PRTG: variants seen among roughly 807,000 people sequenced by gnomAD.
PRTG encodes the protein protogenin, also known as immunoglobulin superfamily, DCC subclass, member 5.
PRTG carries 67 observed loss-of-function variants against 122.5 expected under a neutral mutation model. The observed-to-expected ratio is 0.55, with a 90% confidence interval of 0.45 to 0.67. The LOEUF (loss-of-function observed/expected upper bound fraction) is 0.67, where lower values mean the gene tolerates loss of function less well. Ranked by LOEUF, PRTG falls within the 30% of genes least tolerant of loss-of-function variation. The pLI is 0.00. For missense variants in PRTG, 1,435 were observed against 1,415.4 expected (o/e 1.01, Z -0.22); for synonymous variants, 554 against 501.1 (o/e 1.11, Z -1.41).
intron 17 of PRTG, among the ~76,000 whole-genome samples, chr15:55,625,749 G>A (rs910211925): frequency 2.6e-5 from 4 of 150,996 alleles, no homozygotes; most frequent in South Asian, 2.1e-4. Flanking sequence ...TCAGCCTCCC[G>A]AGTAGCTGGG....
Position 55,651,111 on chromosome 15 carries a change from C to T in PRTG, c.2042-9903G>A, listed in dbSNP as rs568223116. On this transcript the variant is annotated intron_variant, in intron 11 of 19. Coordinates refer to ENST00000389286, the MANE Select transcript of PRTG (RefSeq NM_173814.6). ...ATTTTGTAAAACAGGGGCCCTATAT[C>T]ACTAATGTTTGAGAAATCAGATAGC... Among the ~76,000 whole-genome samples the T allele has an allele frequency of 2.6e-5, 4 of 152,244 alleles. No individual in the cohort carries two copies. In the South Asian group the frequency reaches 8.3e-4, roughly 32 times the overall value.
chr15:55,663,167 C>T (rs2059419247), intron 11 of PRTG, among the ~76,000 whole-genome samples: 2 of 152,108 alleles, frequency 1.3e-5, no homozygotes, highest in Admixed American at 6.5e-5. Flanking sequence ...TGTACCAACC[C>T]GCTGTCCTGT....
At chr15:55,634,063 CTTTTTTTTTT>C (rs10711487) in intron 15 of PRTG, among the ~76,000 whole-genome samples, 11 of 73,852 alleles carry the variant, frequency 1.5e-4, no homozygotes, top group Non-Finnish European at 3.0e-4. Flanking sequence ...ATATACATTG[CTTTTTTTTTT>C]TTTTTTTTTT....
intron 9 of PRTG, among the ~76,000 whole-genome samples, 185 bp from the exon 10 acceptor site, chr15:55,673,861 CT>C (rs1415819952): frequency 6.6e-6 from 1 of 152,032 alleles, no homozygotes; most frequent in East Asian, 1.9e-4. Flanking sequence ...TGAGGGAGGG[CT>C]AAGTGTGTGG....
chr15:55,685,273 T>C (rs1360532478), intron 2 of PRTG, among the ~76,000 whole-genome samples: 1 of 152,210 alleles, frequency 6.6e-6, no homozygotes, highest in Non-Finnish European at 1.5e-5. Flanking sequence ...TGAACTCATT[T>C]ATCTGTAGAT....
At chr15:55,693,076 C>T (rs1229754989) in intron 2 of PRTG, among the ~76,000 whole-genome samples, 3 of 151,856 alleles carry the variant, frequency 2.0e-5, no homozygotes, top group Non-Finnish European at 2.9e-5. Context: ...TCTTGAACTC[C>T]TGGCTTCAAG....
In PRTG at chr15:55,628,807, C is replaced by T. The variant is rs749252774; in HGVS notation, c.2806+15G>A. On this transcript the variant is annotated intron_variant, in intron 16 of 19. Coordinates refer to ENST00000389286, the MANE Select transcript of PRTG (RefSeq NM_173814.6). ...TTCTTAAGAAAAATCACAGTGACTA[C>T]GGCAGTATACAGACCTTTGGCATCA... 63 of 1,589,168 alleles carry T rather than the reference C, an allele frequency of 4.0e-5. No homozygotes were observed. Among genetic ancestry groups the T allele is most frequent in the African/African-American group, 2.0e-4 (15 of 73,816 alleles).
chr15:55,692,203 G>C (rs1005137479), intron 2 of PRTG, among the ~76,000 whole-genome samples: 5 of 151,934 alleles, frequency 3.3e-5, no homozygotes, highest in Admixed American at 2.0e-4. Flanking sequence ...TTATTTTCCT[G>C]GTTCTAAGCC....
intron 1 of PRTG, 110 bp from the exon 2 acceptor site, chr15:55,740,794 T>A: frequency 2.2e-6 from 2 of 901,200 alleles, no homozygotes; most frequent in Non-Finnish European, 3.3e-6. Context: ...CGAAGTTTAA[T>A]AAATTTTATT....
chr15:55,632,738 T>C (rs1238046777), intron 15 of PRTG, among the ~76,000 whole-genome samples: 1 of 152,248 alleles, frequency 6.6e-6, no homozygotes, highest in Admixed American at 6.5e-5. Flanking sequence ...ACTTTGTCTC[T>C]TTTCCCTATT....
chr15:55,641,757 C>T (rs1016370844), intron 11 of PRTG, among the ~76,000 whole-genome samples: 1 of 152,186 alleles, frequency 6.6e-6, no homozygotes, highest in Non-Finnish European at 1.5e-5. Flanking sequence ...TACAAACCTA[C>T]ATTCTCAAGT....
intron 17 of PRTG, among the ~76,000 whole-genome samples, chr15:55,624,751 T>A (rs567149185): frequency 6.6e-6 from 1 of 152,364 alleles, no homozygotes; most frequent in Admixed American, 6.5e-5. Flanking sequence ...ACAAGTATTG[T>A]TGCTTATTCA....
At chr15:55,646,620 C>T (rs767950489) in intron 11 of PRTG, among the ~76,000 whole-genome samples, 1 of 152,186 alleles carries the variant, frequency 6.6e-6, no homozygotes, top group African/African-American at 2.4e-5. Flanking sequence ...CTGCACCCGG[C>T]TGTCACTCCT....
chr15:55,710,587 C>T (rs780238289), intron 2 of PRTG, among the ~76,000 whole-genome samples: 1 of 152,080 alleles, frequency 6.6e-6, no homozygotes, highest in Non-Finnish European at 1.5e-5. Flanking sequence ...TATAATATCC[C>T]AGAATCTAAT....
At chr15:55,714,183 TTTTC>T (rs1336957813) in intron 2 of PRTG, among the ~76,000 whole-genome samples, 14 of 148,760 alleles carry the variant, frequency 9.4e-5, no homozygotes, top group South Asian at 4.3e-4. Flanking sequence ...CATCCTTTTA[TTTTC>T]TTTCTATCTA....
chr15:55,714,363 A>C (rs1269478900), intron 2 of PRTG, among the ~76,000 whole-genome samples: 1 of 151,802 alleles, frequency 6.6e-6, no homozygotes, highest in Non-Finnish European at 1.5e-5. Flanking sequence ...GGTAGCTGGG[A>C]CTACAGATGT....
intron 2 of PRTG, among the ~76,000 whole-genome samples, chr15:55,691,098 C>T (rs2059598026): frequency 6.6e-6 from 1 of 151,932 alleles, no homozygotes; most frequent in Non-Finnish European, 1.5e-5. Flanking sequence ...AGTTCGAGAC[C>T]AACCTGGCCA....
chr15:55,699,222 G>T (rs1408264574), intron 2 of PRTG, among the ~76,000 whole-genome samples: 1 of 152,078 alleles, frequency 6.6e-6, no homozygotes, highest in Non-Finnish European at 1.5e-5. Context: ...ATTTTCAATG[G>T]CAAGTTTTCT....
chr15:55,731,149 T>C (rs1197941124), intron 2 of PRTG, among the ~76,000 whole-genome samples: 2 of 152,170 alleles, frequency 1.3e-5, no homozygotes, highest in African/African-American at 4.8e-5. Context: ...ATTTGTCCAA[T>C]TTCATCCCCT....
Sources: gnomAD v4.1 joint callset for allele counts (sites outside exome capture counted in the v4.1 genomes callset) on GRCh38, gnomAD v4.1.1 for gene constraint, MANE v1.5 for transcripts, NCBI Gene and HGNC (gene_info 2026-07-23, HGNC 2026-07-21) for gene names.